The following AUTS2 variants were observed in gnomAD, a reference collection of about 807,000 sequenced individuals.
AUTS2 encodes autism susceptibility gene 2 protein.
A neutral mutation model predicts 112.4 loss-of-function variants in AUTS2; 17 were observed. The ratio of observed to expected loss-of-function variants is 0.15; its 90% CI spans 0.10 to 0.23. The LOEUF is 0.23. Ranked by LOEUF, AUTS2 falls within the 10% of genes least tolerant of loss-of-function variation. The pLI, the probability that AUTS2 is intolerant of heterozygous loss-of-function variation, is 1.00. For missense variants in AUTS2, 1,510 were observed against 1,701.6 expected, an observed-to-expected ratio of 0.89 and a Z score of 1.98; for synonymous variants, 751 against 702.7, an observed-to-expected ratio of 1.07 and a Z score of -1.09.
intron 5 of AUTS2, among the ~76,000 whole-genome samples, chr7:70,467,298 A>T (rs1482997113): frequency 2.0e-5 from 3 of 152,186 alleles, no homozygotes; most frequent in Non-Finnish European, 4.4e-5. Context: ...TTATATTCAT[A>T]ACTTTGTATT....
rs763131370 is a variant in AUTS2 at position 69,614,314 on chromosome 7, CTCTTTCTTTCTTTCTT to C, written c.309+14390_309+14405del. On this transcript the variant is annotated intron_variant, in intron 1 of 18. Coordinates refer to ENST00000342771, the MANE Select transcript of AUTS2 (RefSeq NM_015570.4). ...ACTTCTCTCAAGAGTCACTCTCCGT[CTCTTTCTTTCTTTCTT>C]TCTTTCTTTCTTTCTTTCTTTCTTT... 3.8e-4 allele frequency among the ~76,000 whole-genome samples: 32 copies of C among 83,412 alleles called. 1 individual carries two copies. The highest frequency in any genetic ancestry group is 1.3e-3 in the African/African-American group (28 of 21,478). The allele number at this position is 83,412 out of a possible 152,430, so 54.7% of individuals were successfully genotyped here.
intron 2 of AUTS2, among the ~76,000 whole-genome samples, chr7:70,028,789 A>G (rs1487457030): frequency 6.6e-6 from 1 of 152,202 alleles, no homozygotes; most frequent in Non-Finnish European, 1.5e-5. Context: ...CTCAGTCAGA[A>G]TAACCTACTT....
At chr7:70,713,780 CA>C (rs1810195857) in intron 6 of AUTS2, among the ~76,000 whole-genome samples, 1 of 152,102 alleles carries the variant, frequency 6.6e-6, no homozygotes, top group Admixed American at 6.5e-5. Context: ...CTTGTAGTCC[CA>C]GCTACTCAGG....
At chr7:69,923,916 C>G (rs1268440421) in intron 2 of AUTS2, among the ~76,000 whole-genome samples, 1 of 152,128 alleles carries the variant, frequency 6.6e-6, no homozygotes, top group Non-Finnish European at 1.5e-5. Flanking sequence ...TTCTTTCCTC[C>G]TAATCTGGGT....
chr7:69,697,195 C>T (rs1225761679), intron 1 of AUTS2, among the ~76,000 whole-genome samples: 1 of 152,200 alleles, frequency 6.6e-6, no homozygotes, highest in Non-Finnish European at 1.5e-5. Context: ...ATTGCTGATG[C>T]TACTAGTCCA....
At chr7:70,226,464 T>A (rs914861836) in intron 4 of AUTS2, among the ~76,000 whole-genome samples, 4 of 151,642 alleles carry the variant, frequency 2.6e-5, no homozygotes, top group African/African-American at 9.7e-5. Flanking sequence ...CTTGGCCTGC[T>A]GAAGTGCTGG....
intron 4 of AUTS2, among the ~76,000 whole-genome samples, chr7:70,212,418 C>A (rs1438132595): frequency 2.0e-5 from 3 of 152,238 alleles, no homozygotes; most frequent in Non-Finnish European, 4.4e-5. Flanking sequence ...AGAAGGGAGA[C>A]TGGGACCACG....
intron 4 of AUTS2, among the ~76,000 whole-genome samples, chr7:70,318,269 G>A (rs1020657887): frequency 6.6e-6 from 1 of 152,040 alleles, no homozygotes; most frequent in Non-Finnish European, 1.5e-5. Context: ...AATGGATGGG[G>A]ACTGGAGGCC....
chr7:69,856,854 C>G (rs1792750558), intron 1 of AUTS2, among the ~76,000 whole-genome samples: 1 of 152,162 alleles, frequency 6.6e-6, no homozygotes, highest in Non-Finnish European at 1.5e-5. Context: ...TCCCTCCATG[C>G]TTGTTGCCCT....
At chr7:70,146,512 A>G (rs531695397) in intron 4 of AUTS2, among the ~76,000 whole-genome samples, 2 of 151,998 alleles carry the variant, frequency 1.3e-5, no homozygotes, top group South Asian at 4.2e-4. Flanking sequence ...TTCTTGGTTC[A>G]TTTACTGTTT....
chr7:70,101,280 T>G (rs1804479191), intron 2 of AUTS2, among the ~76,000 whole-genome samples: 1 of 152,172 alleles, frequency 6.6e-6, no homozygotes, highest in South Asian at 2.1e-4. Context: ...GCTAATTTTC[T>G]TATGCTAATT....
chr7:69,614,840 C>A (rs1012744404), intron 1 of AUTS2, among the ~76,000 whole-genome samples: 8 of 152,196 alleles, frequency 5.3e-5, no homozygotes, highest in Non-Finnish European at 7.3e-5. Context: ...TGCTCTGAGA[C>A]ACACAGTCTT....
chr7:70,434,830 G>A (rs554134047), intron 4 of AUTS2, among the ~76,000 whole-genome samples: 3 of 152,242 alleles, frequency 2.0e-5, no homozygotes, highest in Non-Finnish European at 4.4e-5. Context: ...CCTTATCAAG[G>A]GCTGTTGACT....
At chr7:70,204,742 T>C (rs1029019932) in intron 4 of AUTS2, among the ~76,000 whole-genome samples, 1 of 152,132 alleles carries the variant, frequency 6.6e-6, no homozygotes, top group Admixed American at 6.5e-5. Context: ...TGGTAACCAA[T>C]AAATGTTGAA....
intron 4 of AUTS2, among the ~76,000 whole-genome samples, chr7:70,227,587 G>A (rs1811833025): frequency 6.6e-6 from 1 of 151,976 alleles, no homozygotes; most frequent in Non-Finnish European, 1.5e-5. Context: ...TCCAACATAG[G>A]TGTTTATGGA....
chr7:69,671,486 G>GTGTGT (rs748832261), intron 1 of AUTS2, among the ~76,000 whole-genome samples: 17,733 of 138,204 alleles, frequency 0.13, 1,486 homozygotes, highest in Non-Finnish European at 0.17. Flanking sequence ...TGCTGCTGCT[G>GTGTGT]GTGTGTGTGT....
At chr7:69,971,348 A>G (rs1446093015) in intron 2 of AUTS2, among the ~76,000 whole-genome samples, 1 of 152,168 alleles carries the variant, frequency 6.6e-6, no homozygotes, top group Non-Finnish European at 1.5e-5. Flanking sequence ...AATGAGGAGT[A>G]TTATCACCTA....
chr7:69,821,827 G>T (rs1057113989), intron 1 of AUTS2, among the ~76,000 whole-genome samples: 1 of 150,702 alleles, frequency 6.6e-6, no homozygotes, highest in Non-Finnish European at 1.5e-5. Context: ...GAGGTGAGAG[G>T]ATCGATTGAG....
intron 2 of AUTS2, among the ~76,000 whole-genome samples, chr7:69,911,291 G>A (rs1795346484): frequency 6.6e-6 from 1 of 152,192 alleles, no homozygotes. Context: ...GTGGCACCCA[G>A]AAGCTTGGAG....
Sources: allele counts gnomAD v4.1 joint callset (sites outside exome capture counted in the v4.1 genomes callset), GRCh38; gene constraint gnomAD v4.1.1; transcripts MANE v1.5; gene names NCBI Gene and HGNC (gene_info 2026-07-23, HGNC 2026-07-21).